The following ANO3 variants were observed in gnomAD, a reference collection of about 807,000 sequenced individuals.
ANO3 encodes the protein anoctamin 3.
Under a neutral mutation model 144.8 loss-of-function variants are expected in ANO3, and 99 were observed. The observed-to-expected ratio is 0.68, with a 90% CI of 0.58 to 0.81. The LOEUF is 0.81. Ranked by LOEUF, ANO3 falls within the 30% of genes least tolerant of loss-of-function variation. The pLI is 0.00. For synonymous variants in ANO3, 414 were observed against 392.6 expected (o/e 1.05, Z -0.64); for missense variants, 905 against 1,202.2 (o/e 0.75, Z 3.66).
exon 1 of ANO3, among the ~76,000 whole-genome samples, chr11:26,188,850 A>G (rs1412947890): frequency 1.3e-5 from 2 of 152,170 alleles, no homozygotes; most frequent in African/African-American, 4.8e-5. Flanking sequence ...CTATGTCTTC[A>G]CTTAGCCCAT....
chr11:26,613,066 A>G (rs932588400), intron 17 of ANO3, among the ~76,000 whole-genome samples: 1 of 152,096 alleles, frequency 6.6e-6, no homozygotes, highest in Non-Finnish European at 1.5e-5. Flanking sequence ...GTTTCTGTCT[A>G]TTATCCTGTT....
In ANO3 at chr11:26,211,192, G is replaced by T. The variant is rs191644217; in HGVS notation, c.154+21862G>T. On this transcript the variant is annotated intron_variant, in intron 1 of 27. Transcript: ENST00000672621. ...ACAGTGCAATCAAAATAGAACTCAGGATGAAGAAACCCACTCAAAACTGCA... is the reference window on the plus strand; with the variant it reads ...ACAGTGCAATCAAAATAGAACTCAGTATGAAGAAACCCACTCAAAACTGCA... Among the ~76,000 whole-genome samples, 51 of 152,178 alleles carry T rather than the reference G, an allele frequency of 3.4e-4. 1 individual carries two copies. The East Asian group carries it at 6.4e-3, about 19-fold the overall frequency.
At chr11:26,489,062 G>C (rs188023870) in intron 4 of ANO3, among the ~76,000 whole-genome samples, 1 of 152,150 alleles carries the variant, frequency 6.6e-6, no homozygotes, top group Non-Finnish European at 1.5e-5. Flanking sequence ...GTGCCCACCC[G>C]ACCCAGAAGC....
intron 1 of ANO3, among the ~76,000 whole-genome samples, chr11:26,323,309 A>G (rs924439548): frequency 2.0e-5 from 3 of 152,114 alleles, no homozygotes; most frequent in Non-Finnish European, 4.4e-5. Context: ...ACATTTTTAA[A>G]AACTATTTAA....
At chr11:26,419,637 G>C in intron 1 of ANO3, among the ~76,000 whole-genome samples, 1 of 152,008 alleles carries the variant, frequency 6.6e-6, no homozygotes, top group Non-Finnish European at 1.5e-5. Flanking sequence ...TGCCCTCATG[G>C]AATGGACTTA....
At chr11:26,419,846 G>A (rs1857700465) in intron 1 of ANO3, among the ~76,000 whole-genome samples, 1 of 152,036 alleles carries the variant, frequency 6.6e-6, no homozygotes, top group South Asian at 2.1e-4. Flanking sequence ...GTGTGATTTA[G>A]TTGAAGAGGA....
intron 14 of ANO3, among the ~76,000 whole-genome samples, chr11:26,570,314 A>G (rs1850770685): frequency 6.6e-6 from 1 of 152,104 alleles, no homozygotes; most frequent in Non-Finnish European, 1.5e-5. Flanking sequence ...GAGAAAAAAC[A>G]AAAACAAAAA....
chr11:26,473,653 C>T (rs1859859800), intron 4 of ANO3, among the ~76,000 whole-genome samples: 1 of 151,794 alleles, frequency 6.6e-6, no homozygotes, highest in Non-Finnish European at 1.5e-5. Flanking sequence ...AACTGAAACA[C>T]ACCTCCCACC....
At chr11:26,263,540 G>C (rs1196274114) in intron 1 of ANO3, among the ~76,000 whole-genome samples, 2 of 152,140 alleles carry the variant, frequency 1.3e-5, no homozygotes, top group Non-Finnish European at 2.9e-5. Flanking sequence ...CTCCTGCCTA[G>C]CCTCTCTGCT....
chr11:26,365,271 T>G (rs1856036206), intron 1 of ANO3, among the ~76,000 whole-genome samples: 1 of 152,238 alleles, frequency 6.6e-6, no homozygotes, highest in African/African-American at 2.4e-5. Flanking sequence ...GGAGTTCAGC[T>G]GCAAAGACTG....
At chr11:26,266,839 T>C (rs1564940536) in intron 1 of ANO3, among the ~76,000 whole-genome samples, 1 of 149,574 alleles carries the variant, frequency 6.7e-6, no homozygotes, top group Non-Finnish European at 1.5e-5. Flanking sequence ...CCCAGCACTT[T>C]GGGAGGCCGA....
intron 14 of ANO3, chr11:26,563,290 A>G: frequency 6.4e-7 from 1 of 1,564,030 alleles, no homozygotes; most frequent in Non-Finnish European, 8.6e-7. Flanking sequence ...AAATTTAAAG[A>G]AATATAAAAT....
chr11:26,525,055 TA>T (rs1849127271), intron 6 of ANO3, among the ~76,000 whole-genome samples: 1 of 152,156 alleles, frequency 6.6e-6, no homozygotes, highest in African/African-American at 2.4e-5. Context: ...CTGTAAAAAC[TA>T]ATTGAGCTCC....
At chr11:26,575,173 AAAAC>A (rs1003742050) in intron 14 of ANO3, among the ~76,000 whole-genome samples, 2 of 151,992 alleles carry the variant, frequency 1.3e-5, no homozygotes, top group Non-Finnish European at 2.9e-5. Flanking sequence ...TATGAATTGA[AAAAC>A]AAACACAAAC....
intron 1 of ANO3, among the ~76,000 whole-genome samples, chr11:26,267,105 A>AG (rs1023455029): frequency 3.3e-5 from 5 of 151,380 alleles, no homozygotes; most frequent in African/African-American, 7.3e-5. Flanking sequence ...AACAAAAAAA[A>AG]AAAAGAAAAG....
intron 14 of ANO3, among the ~76,000 whole-genome samples, chr11:26,574,681 A>G (rs960950486): frequency 4.6e-5 from 7 of 152,274 alleles, no homozygotes; most frequent in Middle Eastern, 3.4e-3. Flanking sequence ...ATATTCTATT[A>G]GGATAGAAAT....
chr11:26,327,126 T>C (rs1302989672), intron 1 of ANO3, among the ~76,000 whole-genome samples: 1 of 152,152 alleles, frequency 6.6e-6, no homozygotes, highest in South Asian at 2.1e-4. Context: ...CTTTCACAAA[T>C]AATAAAGAGT....
chr11:26,366,034 G>T, intron 1 of ANO3, among the ~76,000 whole-genome samples: 1 of 140,894 alleles, frequency 7.1e-6, no homozygotes, highest in South Asian at 2.3e-4. Context: ...TAGGGTACAT[G>T]CACATAACGT....
At chr11:26,256,534 C>A (rs912306224) in intron 1 of ANO3, among the ~76,000 whole-genome samples, 4 of 151,902 alleles carry the variant, frequency 2.6e-5, no homozygotes, top group Non-Finnish European at 4.4e-5. Flanking sequence ...TAAGTTAGAC[C>A]AGGTCACCTT....
Sources: allele counts gnomAD v4.1 joint callset (sites outside exome capture counted in the v4.1 genomes callset), GRCh38; gene constraint gnomAD v4.1.1; transcripts MANE v1.5; gene names NCBI Gene and HGNC (gene_info 2026-07-23, HGNC 2026-07-21).